STARD3NL: variants seen among roughly 807,000 people sequenced by gnomAD.
STARD3NL encodes STARD3 N-terminal-like protein.
In STARD3NL, 17 loss-of-function variants were observed where a neutral mutation model predicts 30.9. That is an observed-to-expected ratio of 0.55 (90% CI 0.38 to 0.82). The LOEUF (loss-of-function observed/expected upper bound fraction) is 0.82, where lower values mean the gene tolerates loss of function less well. Ranked by LOEUF, STARD3NL falls within the 40% of genes least tolerant of loss-of-function variation. STARD3NL has a pLI of 0.00. For missense variants in STARD3NL, 234 were observed against 277.6 expected (o/e 0.84, Z 1.12); for synonymous variants, 112 against 100.5 (o/e 1.11, Z -0.69).
intron 6 of STARD3NL, among the ~76,000 whole-genome samples, chr7:38,219,207 C>T (rs748589687): frequency 7.9e-5 from 12 of 151,994 alleles, no homozygotes; most frequent in Non-Finnish European, 1.5e-4. Context: ...CTACCACACT[C>T]GGCTAATTTT....
At chr7:38,192,463 G>A (rs1279901754) in intron 1 of STARD3NL, among the ~76,000 whole-genome samples, 1 of 152,162 alleles carries the variant, frequency 6.6e-6, no homozygotes, top group African/African-American at 2.4e-5. Flanking sequence ...TATCAAGTGG[G>A]TCAGAACTTT....
intron 1 of STARD3NL, among the ~76,000 whole-genome samples, chr7:38,195,459 G>A (rs1784860508): frequency 6.6e-6 from 1 of 152,120 alleles, no homozygotes; most frequent in Admixed American, 6.5e-5. Context: ...GAGTTATTGT[G>A]GACTTATTAA....
intron 2 of STARD3NL, among the ~76,000 whole-genome samples, chr7:38,211,812 G>T (rs574410182): frequency 1.3e-5 from 2 of 152,186 alleles, no homozygotes; most frequent in African/African-American, 4.8e-5. Flanking sequence ...CAGAGACTTA[G>T]GCCAAACATG....
chr7:38,213,016 G>A (rs77185740), intron 2 of STARD3NL, among the ~76,000 whole-genome samples: 2,824 of 152,316 alleles, frequency 0.019, 88 homozygotes, highest in African/African-American at 0.064. Flanking sequence ...GCATTTTAAA[G>A]TATGCAGATA....
chr7:38,210,084 C>T (rs1359726979), intron 2 of STARD3NL, among the ~76,000 whole-genome samples: 1 of 152,200 alleles, frequency 6.6e-6, no homozygotes, highest in Non-Finnish European at 1.5e-5. Context: ...GGTGTTTTCA[C>T]TACACGCAGT....
chr7:38,189,553 G>A (rs962140392), intron 1 of STARD3NL, among the ~76,000 whole-genome samples: 4 of 152,172 alleles, frequency 2.6e-5, no homozygotes, highest in Non-Finnish European at 4.4e-5. Flanking sequence ...TGTTGTACAC[G>A]TTTTTACTAA....
At chr7:38,212,893 T>A (rs1331785485) in intron 2 of STARD3NL, among the ~76,000 whole-genome samples, 1 of 152,206 alleles carries the variant, frequency 6.6e-6, no homozygotes, top group Non-Finnish European at 1.5e-5. Context: ...GATAGTTTAT[T>A]TAAGACATCT....
chr7:38,201,227 CTT>C (rs759145897), intron 1 of STARD3NL, among the ~76,000 whole-genome samples: 6 of 152,150 alleles, frequency 3.9e-5, no homozygotes, highest in Non-Finnish European at 8.8e-5. Flanking sequence ...CTTTGTGTAA[CTT>C]TTTTTATTGA....
At position 38,208,371 on chromosome 7, in the gene STARD3NL, T is replaced by C. The variant is rs540072176; in HGVS notation, c.225+642T>C. Among the ~76,000 whole-genome samples, 4 of 152,360 alleles carry C rather than the reference T, an allele frequency of 2.6e-5. No homozygotes were observed. In the South Asian group the frequency reaches 6.2e-4, roughly 24 times the overall value. On this transcript the variant is annotated intron_variant, in intron 2 of 8. Transcript: ENST00000009041. ...AGGCATTTGGAGGTTTATGCAGTTATTCTGTATTACCAACTAATTGTTTAG... is the reference window on the plus strand; with the variant it reads ...AGGCATTTGGAGGTTTATGCAGTTACTCTGTATTACCAACTAATTGTTTAG...
intron 2 of STARD3NL, among the ~76,000 whole-genome samples, chr7:38,213,642 A>G (rs1785936232): frequency 6.6e-6 from 1 of 152,136 alleles, no homozygotes; most frequent in Admixed American, 6.6e-5. Flanking sequence ...TTAGCTGCCG[A>G]CACATGTCCC....
At chr7:38,192,050 C>T (rs1255400086) in intron 1 of STARD3NL, among the ~76,000 whole-genome samples, 1 of 152,150 alleles carries the variant, frequency 6.6e-6, no homozygotes, top group African/African-American at 2.4e-5. Context: ...CAACTACTTC[C>T]ATTTCTCTCA....
chr7:38,207,669 C>A lies in STARD3NL; in HGVS notation c.165C>A (p.Phe55Leu). The change falls in exon 2 of 9, where the codon TTC (phenylalanine) becomes TTA (leucine). Residue 55 changes from phenylalanine (F) to leucine (L), a missense_variant. Phe to Leu is a conservative substitution (Grantham distance 22). Coordinates refer to ENST00000009041, the MANE Select transcript of STARD3NL (RefSeq NM_032016.4). Reference sequence around the variant, plus strand: ...GCATATCTGATGTCAGGAGGACTTTCTGTTTGTTTGTCACCTTTGACCTCT... The same window carrying A: ...GCATATCTGATGTCAGGAGGACTTTATGTTTGTTTGTCACCTTTGACCTCT... ...KKGISDVRRT[F>L]CLFVTFDLLF... 6.2e-7 allele frequency: 1 copy of A among 1,614,094 alleles called. No homozygotes were observed. Among genetic ancestry groups the A allele is most frequent in the Non-Finnish European group, 8.5e-7 (1 of 1,179,956 alleles).
chr7:38,204,692 C>T (rs1785360526), intron 1 of STARD3NL, among the ~76,000 whole-genome samples: 1 of 152,056 alleles, frequency 6.6e-6, no homozygotes, highest in Non-Finnish European at 1.5e-5. Context: ...TCAATGAATC[C>T]AGGAGCTGGT....
At chr7:38,206,519 A>G (rs575855105) in intron 1 of STARD3NL, among the ~76,000 whole-genome samples, 1 of 152,248 alleles carries the variant, frequency 6.6e-6, no homozygotes, top group Admixed American at 6.5e-5. Context: ...ACTCATTTTT[A>G]ATTTTTATTA....
intron 7 of STARD3NL, among the ~76,000 whole-genome samples, chr7:38,220,836 G>A (rs1786415058): frequency 6.6e-6 from 1 of 152,212 alleles, no homozygotes; most frequent in Non-Finnish European, 1.5e-5. Flanking sequence ...GGGCACAGTG[G>A]CTCATGCCTA....
Position 38,217,403 on chromosome 7 carries a change from A to T in STARD3NL, c.553+98A>T, listed in dbSNP as rs1210205962. 9 of 1,079,338 alleles carry T rather than the reference A, an allele frequency of 8.3e-6. No individual in the cohort carries two copies. The African/African-American group carries it at 1.1e-4, about 13-fold the overall frequency. 66.9% of individuals were successfully genotyped at this position (1,079,338 alleles called of 1,614,324 possible). A position where few individuals can be genotyped will look rare whatever the true frequency, so the allele number is the denominator to read the frequency against. On this transcript the variant is annotated intron_variant, in intron 6 of 8. Coordinates refer to ENST00000009041, the MANE Select transcript of STARD3NL (RefSeq NM_032016.4). Reference sequence around the variant, plus strand: ...GGTGTGAATGGGGCTGCAAATGGGTAGAGTTAGGCAGTGGTGGGGTCTTCA... The same window carrying T: ...GGTGTGAATGGGGCTGCAAATGGGTTGAGTTAGGCAGTGGTGGGGTCTTCA...
intron 7 of STARD3NL, among the ~76,000 whole-genome samples, chr7:38,225,477 A>G (rs1433879255): frequency 2.0e-5 from 3 of 152,174 alleles, no homozygotes; most frequent in Admixed American, 6.5e-5. Context: ...ACATGTTTCA[A>G]TTAAGATTAC....
chr7:38,184,435 C>T (rs1784371439), intron 1 of STARD3NL, among the ~76,000 whole-genome samples: 2 of 151,586 alleles, frequency 1.3e-5, no homozygotes, highest in African/African-American at 4.9e-5. Flanking sequence ...TTTGGTGAGG[C>T]CTCAGGAGGC....
intron 1 of STARD3NL, among the ~76,000 whole-genome samples, chr7:38,206,615 G>A (rs1785500800): frequency 6.6e-6 from 1 of 152,178 alleles, no homozygotes; most frequent in African/African-American, 2.4e-5. Context: ...TTTGCATAGT[G>A]CTAAACTTTT....
Sources: gnomAD v4.1 joint callset for allele counts (sites outside exome capture counted in the v4.1 genomes callset) on GRCh38, gnomAD v4.1.1 for gene constraint, MANE v1.5 for transcripts, NCBI Gene and HGNC (gene_info 2026-07-23, HGNC 2026-07-21) for gene names.